TNFSF13B: variants seen among roughly 807,000 people sequenced by gnomAD.
TNFSF13B encodes the protein TNF superfamily member 13b.
In TNFSF13B, 8 loss-of-function variants were observed where a neutral mutation model predicts 29.1. The observed-to-expected ratio is 0.27, with a 90% CI of 0.16 to 0.50. The LOEUF (loss-of-function observed/expected upper bound fraction) is 0.50. Among genes scored for constraint, TNFSF13B ranks in the 20% least tolerant of loss-of-function variants. The pLI is 0.98. For missense variants in TNFSF13B, 248 were observed against 334.9 expected (o/e 0.74, Z 2.03); for synonymous variants, 125 against 130.8 (o/e 0.96, Z 0.30).
At position 108,298,066 on chromosome 13, in the gene TNFSF13B, AGTAT is replaced by A. The variant is rs2139065270; in HGVS notation, c.482-5183_482-5180del. On this transcript the variant is annotated intron_variant, in intron 3 of 5. Transcript: ENST00000375887. ...GAGTGCCATGTTGTTGGAATTGCAC[AGTAT>A]GTAACATTTTTATTTTCACTTCTTT... Among the ~76,000 whole-genome samples, 2 of 146,094 alleles carry A rather than the reference AGTAT, an allele frequency of 1.4e-5. 1 individual carries two copies. The highest frequency in any genetic ancestry group is 5.1e-5 in the African/African-American group (2 of 39,028).
Position 108,295,704 on chromosome 13 carries a change from C to CAGAATATGAATA in TNFSF13B, c.482-7549_482-7548insAGAATATGAATA, listed in dbSNP as rs1881443784. 1.4e-5 allele frequency among the ~76,000 whole-genome samples: 2 copies of CAGAATATGAATA among 145,540 alleles called. 1 individual carries two copies. The highest frequency in any genetic ancestry group is 3.0e-5 in the Non-Finnish European group (2 of 65,610). ...TTCTTTCTGAGTGCTACTTTCACTG[C>CAGAATATGAATA]TTCCTATGAATATTGCTATGCTGTG... On this transcript the variant is annotated intron_variant, in intron 3 of 5. Transcript: ENST00000375887.
intron 2 of TNFSF13B, among the ~76,000 whole-genome samples, chr13:108,276,333 T>A (rs1880761374): frequency 6.6e-6 from 1 of 152,246 alleles, no homozygotes; most frequent in Non-Finnish European, 1.5e-5. Flanking sequence ...ATAGTGAGAC[T>A]TTTCTTCAGT....
At chr13:108,298,081 TA>T (rs1283824629) in intron 3 of TNFSF13B, among the ~76,000 whole-genome samples, 1 of 146,034 alleles carries the variant, frequency 6.8e-6, no homozygotes, top group Non-Finnish European at 1.5e-5. Flanking sequence ...GTAACATTTT[TA>T]TTTTCACTTC....
chr13:108,275,826 T>G (rs1294878398), intron 2 of TNFSF13B, among the ~76,000 whole-genome samples: 5 of 152,228 alleles, frequency 3.3e-5, no homozygotes, highest in Non-Finnish European at 7.3e-5. Context: ...AGACTTAATT[T>G]GAATTTCACG....
chr13:108,306,700 G>T, intron 5 of TNFSF13B, 126 bp from the exon 6 acceptor site: 2 of 571,004 alleles, frequency 3.5e-6, no homozygotes, highest in South Asian at 2.4e-5. Context: ...AAGTCCGTTG[G>T]TGTATTTTGA....
At chr13:108,302,914 T>G (rs2139070242) in intron 3 of TNFSF13B, 1 of 938,680 alleles carries the variant, frequency 1.1e-6, no homozygotes, top group East Asian at 1.0e-4. Flanking sequence ...CAGAGAAATT[T>G]TGTCCACTCT....
At chr13:108,304,936 A>T (rs370596360) in intron 5 of TNFSF13B, among the ~76,000 whole-genome samples, 6 of 152,280 alleles carry the variant, frequency 3.9e-5, no homozygotes, top group East Asian at 1.9e-4. Flanking sequence ...CAAAATATTT[A>T]TAAATGGTGA....
chr13:108,304,004 C>T (rs187359133), intron 5 of TNFSF13B, among the ~76,000 whole-genome samples: 6 of 152,284 alleles, frequency 3.9e-5, no homozygotes, highest in Non-Finnish European at 8.8e-5. Context: ...GCCAGGCACT[C>T]TTTTCTGCAT....
intron 2 of TNFSF13B, among the ~76,000 whole-genome samples, chr13:108,274,887 A>G (rs1332320001): frequency 6.6e-6 from 1 of 152,192 alleles, no homozygotes; most frequent in East Asian, 1.9e-4. Context: ...GGGAATTACC[A>G]TCAGCCAACA....
rs1013337442 is a variant in TNFSF13B at position 108,307,632 on chromosome 13, G to A, written c.*694G>A. The A allele has an allele frequency of 6.6e-6, 1 of 151,668 alleles. No individual in the cohort carries two copies. The highest frequency in any genetic ancestry group is 2.4e-5 in the African/African-American group (1 of 41,308). 9.4% of individuals were successfully genotyped at this position (151,668 alleles called of 1,614,324 possible). A position where few individuals can be genotyped will look rare whatever the true frequency, so the allele number is the denominator to read the frequency against. On this transcript the variant is annotated 3_prime_UTR_variant, in exon 6 of 6. Transcript: ENST00000375887. ...CAGGAGAGAGAGAATATCCTCATTT[G>A]TTTATGCTCATGTGTATTTTCTATA...
At position 108,285,685 on chromosome 13, in the gene TNFSF13B, C is replaced by G. The variant is rs1881107404; in HGVS notation, c.425-1118C>G. On this transcript the variant is annotated intron_variant, in intron 2 of 5. Coordinates refer to ENST00000375887, the MANE Select transcript of TNFSF13B (RefSeq NM_006573.5). ...CATGACTGTATTAGAAATTTTTCAG[C>G]TAATCTCCATACAATCACCAACTAG... Among the ~76,000 whole-genome samples, 2 of 152,148 alleles carry G rather than the reference C, an allele frequency of 1.3e-5. 1 individual carries two copies. The highest frequency in any genetic ancestry group is 4.1e-4 in the South Asian group (2 of 4,832).
intron 2 of TNFSF13B, among the ~76,000 whole-genome samples, chr13:108,276,114 G>A (rs1880756291): frequency 6.6e-6 from 1 of 152,122 alleles, no homozygotes; most frequent in African/African-American, 2.4e-5. Flanking sequence ...GGCATTTCTG[G>A]CTTAGCTGTG....
chr13:108,285,316 A>G (rs971617212), intron 2 of TNFSF13B, among the ~76,000 whole-genome samples: 2 of 152,180 alleles, frequency 1.3e-5, no homozygotes, highest in Non-Finnish European at 2.9e-5. Context: ...CAAGTTTTAA[A>G]TACATTCATG....
At chr13:108,270,879 C>T (rs1025903002) in intron 2 of TNFSF13B, among the ~76,000 whole-genome samples, 7 of 152,106 alleles carry the variant, frequency 4.6e-5, no homozygotes, top group African/African-American at 1.7e-4. Context: ...GTTGTGAAAC[C>T]AGGTGAAGGT....
At chr13:108,292,693 T>C (rs544820757) in intron 3 of TNFSF13B, among the ~76,000 whole-genome samples, 29 of 152,250 alleles carry the variant, frequency 1.9e-4, no homozygotes, top group African/African-American at 7.0e-4. Context: ...ATGTTGAGCA[T>C]CTTTTCATGT....
chr13:108,272,141 T>A (rs372968921), intron 2 of TNFSF13B, among the ~76,000 whole-genome samples: 2 of 152,172 alleles, frequency 1.3e-5, no homozygotes, highest in South Asian at 2.1e-4. Context: ...TTTATTTTGA[T>A]GTGTTGCTTG....
At chr13:108,303,404 C>T in intron 4 of TNFSF13B, 39 bp downstream of exon 4, 3 of 1,609,738 alleles carry the variant, frequency 1.9e-6, no homozygotes, top group Non-Finnish European at 2.5e-6. Flanking sequence ...CTGTTCAAAG[C>T]CTCCCATTTT....
intron 3 of TNFSF13B, among the ~76,000 whole-genome samples, chr13:108,290,611 A>G (rs1881277742): frequency 6.6e-6 from 1 of 151,618 alleles, no homozygotes; most frequent in Non-Finnish European, 1.5e-5. Context: ...CCATCTGTTC[A>G]TATTTTTTTC....
chr13:108,270,426 T>C lies in TNFSF13B; in HGVS notation c.424+2T>C. ...CCGTTCAGGGTCCAGAAGAAACAGG[T>C]ATGTTTTGGGCACAGACACTTTTAG... On this transcript the variant is annotated splice_donor_variant, in intron 2 of 5. Transcript: ENST00000375887. LOFTEE classifies it high-confidence loss of function. The C allele has an allele frequency of 6.2e-7, 1 of 1,613,704 alleles. No homozygotes were observed. Among genetic ancestry groups the C allele is most frequent in the Non-Finnish European group, 8.5e-7 (1 of 1,179,728 alleles).
Sources: gnomAD v4.1 joint callset for allele counts (sites outside exome capture counted in the v4.1 genomes callset) on GRCh38, gnomAD v4.1.1 for gene constraint, MANE v1.5 for transcripts, NCBI Gene and HGNC (gene_info 2026-07-23, HGNC 2026-07-21) for gene names.